Variants in ZNRF1 observed in about 807,000 individuals in gnomAD.
ZNRF1 encodes the protein zinc and ring finger 1, also known as E3 ubiquitin-protein ligase ZNRF1.
Under a neutral mutation model 18.4 loss-of-function variants are expected in ZNRF1, and 3 were observed. The ratio of observed to expected loss-of-function variants is 0.16; its 90% CI spans 0.07 to 0.42. ZNRF1 has a LOEUF of 0.42. Ranked by LOEUF, ZNRF1 falls within the 10% of genes least tolerant of loss-of-function variation. The pLI is 0.99. For missense variants in ZNRF1, 310 were observed against 329.8 expected (o/e 0.94, Z 0.47); for synonymous variants, 157 against 144.2 (o/e 1.09, Z -0.64).
chr16:75,090,296 G>T (rs1348844650), intron 1 of ZNRF1, among the ~76,000 whole-genome samples: 2 of 152,242 alleles, frequency 1.3e-5, no homozygotes, highest in African/African-American at 4.8e-5. Flanking sequence ...TCAGCCTGGT[G>T]TGTTTAGATC....
chr16:75,047,020 T>C (rs544207803), intron 1 of ZNRF1: 1 of 152,362 alleles, frequency 6.6e-6, no homozygotes, highest in East Asian at 1.9e-4. Context: ...CCCACAATTT[T>C]GTGTGTATGT....
intron 1 of ZNRF1, among the ~76,000 whole-genome samples, chr16:75,055,321 T>G (rs1234918906): frequency 6.6e-6 from 1 of 152,218 alleles, no homozygotes; most frequent in African/African-American, 2.4e-5. Context: ...TCACCCAGGC[T>G]TACTAGAATT....
chr16:75,093,106 C>T (rs886407235), intron 1 of ZNRF1, among the ~76,000 whole-genome samples: 4 of 152,142 alleles, frequency 2.6e-5, no homozygotes, highest in Non-Finnish European at 4.4e-5. Context: ...CAAATGCCAC[C>T]GGGCGCGGTG....
intron 1 of ZNRF1, among the ~76,000 whole-genome samples, chr16:75,071,037 A>G (rs2035864047): frequency 6.6e-6 from 1 of 151,970 alleles, no homozygotes; most frequent in African/African-American, 2.4e-5. Flanking sequence ...GGCACAGCAG[A>G]AGCAGCTAGT....
At chr16:75,001,284 C>A (rs1022785742) in intron 1 of ZNRF1, among the ~76,000 whole-genome samples, 5 of 152,118 alleles carry the variant, frequency 3.3e-5, no homozygotes, top group African/African-American at 1.2e-4. Flanking sequence ...CCCCCCCCTG[C>A]AAATAGCCTG....
chr16:75,042,969 C>G (rs914164233), intron 1 of ZNRF1, among the ~76,000 whole-genome samples: 2 of 152,188 alleles, frequency 1.3e-5, no homozygotes, highest in Admixed American at 6.5e-5. Context: ...AGGCCAGCTC[C>G]GGGACGGTAA....
Position 75,022,295 on chromosome 16 carries a change from G to T in ZNRF1, c.424+22200G>T, listed in dbSNP as rs1436402964. Among the ~76,000 whole-genome samples, 3 of 150,522 alleles carry T rather than the reference G, an allele frequency of 2.0e-5. No homozygotes were observed. The Admixed American group carries it at 2.0e-4, about 10-fold the overall frequency. ...AAATAATTAATTGGCTGAGCGAGGTGGCTCACGCCTGTAATCCCAGCACTT... is the reference window on the plus strand; with the variant it reads ...AAATAATTAATTGGCTGAGCGAGGTTGCTCACGCCTGTAATCCCAGCACTT... On this transcript the variant is annotated intron_variant, in intron 1 of 4. Coordinates refer to ENST00000335325, the MANE Select transcript of ZNRF1 (RefSeq NM_032268.5).
chr16:75,025,680 A>T (rs1487537560), intron 1 of ZNRF1, among the ~76,000 whole-genome samples: 9 of 152,222 alleles, frequency 5.9e-5, no homozygotes, highest in African/African-American at 1.2e-4. Context: ...GAGGGGATTC[A>T]TAGGAGCCCC....
chr16:75,070,073 G>C (rs2035851708), intron 1 of ZNRF1, among the ~76,000 whole-genome samples: 1 of 152,160 alleles, frequency 6.6e-6, no homozygotes, highest in South Asian at 2.1e-4. Context: ...TTCTGCCAGA[G>C]CCAGGCAGAA....
At chr16:75,049,604 C>A (rs1471167001) in intron 1 of ZNRF1, among the ~76,000 whole-genome samples, 1 of 152,152 alleles carries the variant, frequency 6.6e-6, no homozygotes, top group African/African-American at 2.4e-5. Context: ...AGAGACCAAC[C>A]TGGGCAATAT....
At chr16:75,092,262 A>AGAG (rs544029258) in intron 1 of ZNRF1, among the ~76,000 whole-genome samples, 4 of 152,130 alleles carry the variant, frequency 2.6e-5, no homozygotes, top group South Asian at 2.1e-4. Flanking sequence ...AGTAGGCTGA[A>AGAG]GAGGAGGAGG....
At chr16:75,100,865 T>C (rs2036247068) in intron 2 of ZNRF1, among the ~76,000 whole-genome samples, 2 of 152,230 alleles carry the variant, frequency 1.3e-5, no homozygotes, top group African/African-American at 4.8e-5. Context: ...TAAGCTATGC[T>C]GTTTTTCCTC....
At chr16:75,095,877 C>T in intron 2 of ZNRF1, 1 of 866,228 alleles carries the variant, frequency 1.2e-6, no homozygotes. Context: ...CCACCACCGG[C>T]AGCCTCACCC....
At chr16:75,099,085 C>T (rs1347334804) in intron 2 of ZNRF1, among the ~76,000 whole-genome samples, 1 of 152,140 alleles carries the variant, frequency 6.6e-6, no homozygotes, top group Non-Finnish European at 1.5e-5. Flanking sequence ...GTGGTGTTTT[C>T]CAGCCCCAAG....
chr16:75,095,719 T>C, intron 2 of ZNRF1: 3 of 1,546,676 alleles, frequency 1.9e-6, no homozygotes, highest in Non-Finnish European at 2.6e-6. Context: ...AAATGCAGAG[T>C]TACCCCCACT....
intron 1 of ZNRF1, among the ~76,000 whole-genome samples, chr16:75,016,994 T>C (rs2035081270): frequency 6.6e-6 from 1 of 152,348 alleles, no homozygotes; most frequent in African/African-American, 2.4e-5. Flanking sequence ...CTGCTCTGTT[T>C]AAAGCTGGTA....
At chr16:75,024,160 G>A (rs941726982) in intron 1 of ZNRF1, among the ~76,000 whole-genome samples, 4 of 152,048 alleles carry the variant, frequency 2.6e-5, no homozygotes, top group African/African-American at 4.8e-5. Context: ...ATGAGCCACC[G>A]CACCCAGCCC....
At chr16:75,021,757 C>T (rs1789409485) in intron 1 of ZNRF1, among the ~76,000 whole-genome samples, 1 of 152,144 alleles carries the variant, frequency 6.6e-6, no homozygotes, top group Admixed American at 6.6e-5. Flanking sequence ...TGTCTTTACT[C>T]ATGGTGCTCT....
At chr16:75,105,967 T>C in intron 3 of ZNRF1, 1 of 154,478 alleles carries the variant, frequency 6.5e-6, no homozygotes, top group Admixed American at 6.3e-5. Context: ...GGGTAGAGCT[T>C]GGGGCTCTCC....
Sources: gnomAD v4.1 joint callset for allele counts (sites outside exome capture counted in the v4.1 genomes callset) on GRCh38, gnomAD v4.1.1 for gene constraint, MANE v1.5 for transcripts, NCBI Gene and HGNC (gene_info 2026-07-23, HGNC 2026-07-21) for gene names.